Variants in EYS observed in about 807,000 individuals in gnomAD.
The protein encoded by EYS is EGF-like photoreceptor maintenance factor.
A neutral mutation model predicts 282.1 loss-of-function variants in EYS; 250 were observed. That is an observed-to-expected ratio of 0.89 (90% CI 0.80 to 0.98). The LOEUF is 0.98. Among genes scored for constraint, EYS ranks in the 50% least tolerant of loss-of-function variants. The pLI is 0.00. For missense variants in EYS, 4,016 were observed against 3,709.0 expected (o/e 1.08, Z -2.15); for synonymous variants, 1,355 against 1,282.9 (o/e 1.06, Z -1.20).
At chr6:64,568,214 G>A (rs1485218538) in intron 26 of EYS, among the ~76,000 whole-genome samples, 2 of 152,098 alleles carry the variant, frequency 1.3e-5, no homozygotes, top group Non-Finnish European at 2.9e-5. Flanking sequence ...GAAAAGAACA[G>A]ACCCAACAGA....
rs1771167143 is a variant in EYS at position 64,710,396 on chromosome 6, G to A, written c.3444-84151C>T. 3.3e-5 allele frequency among the ~76,000 whole-genome samples: 5 copies of A among 152,284 alleles called. No homozygotes were observed. The South Asian group carries it at 1.0e-3, about 32-fold the overall frequency. ...CCAAGCATGGGCCATCCCTTCACCTGCATAGGGCACCAATTCACCTCAGCC... is the reference window on the plus strand; with the variant it reads ...CCAAGCATGGGCCATCCCTTCACCTACATAGGGCACCAATTCACCTCAGCC... On this transcript the variant is annotated intron_variant, in intron 22 of 42. Coordinates refer to ENST00000503581, the MANE Select transcript of EYS (RefSeq NM_001142800.2).
chr6:64,086,112 C>A (rs1053694376), intron 31 of EYS, among the ~76,000 whole-genome samples: 2 of 152,194 alleles, frequency 1.3e-5, no homozygotes, highest in African/African-American at 4.8e-5. Flanking sequence ...GTCCTCTAAT[C>A]ATTTCTGACT....
At chr6:63,741,153 A>C (rs560369129) in intron 41 of EYS, among the ~76,000 whole-genome samples, 2 of 152,300 alleles carry the variant, frequency 1.3e-5, no homozygotes, top group South Asian at 4.1e-4. Flanking sequence ...GTTTTCTGAG[A>C]GGAATAATAA....
intron 13 of EYS, among the ~76,000 whole-genome samples, chr6:65,037,377 T>C (rs1772801601): frequency 6.6e-6 from 1 of 151,716 alleles, no homozygotes; most frequent in Non-Finnish European, 1.5e-5. Context: ...ATTGCCTCAG[T>C]GATGAAATAA....
intron 9 of EYS, 98 bp downstream of exon 9, chr6:65,353,360 G>T: frequency 9.8e-7 from 1 of 1,017,360 alleles, no homozygotes; most frequent in Non-Finnish European, 1.5e-6. Flanking sequence ...ATTACGTTTT[G>T]AGATATAAAA....
intron 5 of EYS, among the ~76,000 whole-genome samples, chr6:65,423,504 C>T (rs1767544675): frequency 6.6e-6 from 1 of 151,844 alleles, no homozygotes; most frequent in Non-Finnish European, 1.5e-5. Context: ...ACCTAGCTTC[C>T]AAAACTTCTG....
At chr6:65,453,900 A>G (rs1174450773) in intron 5 of EYS, among the ~76,000 whole-genome samples, 1 of 151,850 alleles carries the variant, frequency 6.6e-6, no homozygotes, top group Non-Finnish European at 1.5e-5. Flanking sequence ...CTGAGTATAA[A>G]CACCGTATTT....
chr6:63,940,537 A>ATGT (rs1765202544), intron 35 of EYS, among the ~76,000 whole-genome samples: 2 of 152,204 alleles, frequency 1.3e-5, no homozygotes, highest in Non-Finnish European at 2.9e-5. Flanking sequence ...AATGCCAGCA[A>ATGT]AGGATGGTTT....
intron 22 of EYS, among the ~76,000 whole-genome samples, chr6:64,740,131 T>C (rs1418594238): frequency 6.6e-6 from 1 of 152,140 alleles, no homozygotes. Context: ...ATTTAAAGTA[T>C]GAAGAGAAAG....
chr6:65,521,747 C>T lies in EYS; in HGVS notation c.-332-25754G>A, dbSNP rs940041941. Among the ~76,000 whole-genome samples, 5 of 152,204 alleles carry T rather than the reference C, an allele frequency of 3.3e-5. No individual in the cohort carries two copies. In the East Asian group the frequency reaches 9.7e-4, roughly 29 times the overall value. ...TGTTTTATCACACTTAGCAGAGTTA[C>T]AGAAGATTGTAAATGTAATTTTTTG... is the stretch of plus-strand genomic sequence containing the variant. On this transcript the variant is annotated intron_variant, in intron 2 of 42. Coordinates refer to ENST00000503581, the MANE Select transcript of EYS (RefSeq NM_001142800.2).
intron 36 of EYS, among the ~76,000 whole-genome samples, chr6:63,825,756 C>T (rs1388447688): frequency 6.6e-6 from 1 of 152,194 alleles, no homozygotes; most frequent in African/African-American, 2.4e-5. Flanking sequence ...GCCTTCGGCC[C>T]TAGACCTTCC....
At chr6:64,696,276 G>A (rs755353415) in intron 22 of EYS, among the ~76,000 whole-genome samples, 1 of 152,086 alleles carries the variant, frequency 6.6e-6, no homozygotes, top group Non-Finnish European at 1.5e-5. Flanking sequence ...ATCTCAGAAT[G>A]TGAAAACAAG....
At chr6:64,162,147 C>G (rs1048963494) in intron 31 of EYS, among the ~76,000 whole-genome samples, 9 of 152,124 alleles carry the variant, frequency 5.9e-5, no homozygotes, top group Admixed American at 3.3e-4. Context: ...TAAAAGGGTA[C>G]ATGAGAAACT....
intron 12 of EYS, among the ~76,000 whole-genome samples, chr6:65,247,911 T>C (rs925102265): frequency 6.6e-6 from 1 of 152,082 alleles, no homozygotes; most frequent in Non-Finnish European, 1.5e-5. Context: ...TTAAATAGTT[T>C]GTGACTCTCT....
chr6:64,772,743 A>T (rs1773562100), intron 22 of EYS, among the ~76,000 whole-genome samples: 2 of 151,784 alleles, frequency 1.3e-5, no homozygotes, highest in African/African-American at 4.8e-5. Context: ...ATCTCCCACA[A>T]ATAAGTGAGA....
chr6:64,447,698 A>C (rs565156326), intron 26 of EYS, among the ~76,000 whole-genome samples: 1 of 152,204 alleles, frequency 6.6e-6, no homozygotes, highest in Non-Finnish European at 1.5e-5. Context: ...TAAGATTTGC[A>C]GAGACTCCTC....
chr6:63,950,361 C>A (rs1765540922), intron 35 of EYS, among the ~76,000 whole-genome samples: 1 of 152,060 alleles, frequency 6.6e-6, no homozygotes, highest in Admixed American at 6.6e-5. Context: ...CTTCTCCTGG[C>A]TCAGAAGCTC....
intron 37 of EYS, among the ~76,000 whole-genome samples, chr6:63,790,958 A>G (rs1018000558): frequency 6.6e-6 from 1 of 152,114 alleles, no homozygotes; most frequent in African/African-American, 2.4e-5. Flanking sequence ...TCCTCCAGTT[A>G]TGGAGAACCC....
intron 31 of EYS, among the ~76,000 whole-genome samples, chr6:64,091,613 T>C (rs1772364174): frequency 6.6e-6 from 1 of 152,196 alleles, no homozygotes; most frequent in Non-Finnish European, 1.5e-5. Flanking sequence ...TCCCCAGACT[T>C]GTTCCCATCA....
Sources: allele counts gnomAD v4.1 joint callset (sites outside exome capture counted in the v4.1 genomes callset), GRCh38; gene constraint gnomAD v4.1.1; transcripts MANE v1.5; gene names NCBI Gene and HGNC (gene_info 2026-07-23, HGNC 2026-07-21).